CFAP46: variants seen among roughly 807,000 people sequenced by gnomAD.
CFAP46 encodes the protein cilia and flagella associated protein 46.
In CFAP46, 245 loss-of-function variants were observed where a neutral mutation model predicts 325.7. The ratio of observed to expected loss-of-function variants is 0.75; its 90% CI spans 0.68 to 0.84. CFAP46 has a LOEUF of 0.84. Ranked by LOEUF, CFAP46 falls within the 40% of genes least tolerant of loss-of-function variation. The pLI is 0.00. For missense variants in CFAP46, 3,346 were observed against 3,543.0 expected, an observed-to-expected ratio of 0.94 and a Z score of 1.41; for synonymous variants, 1,523 against 1,495.9, an observed-to-expected ratio of 1.02 and a Z score of -0.42.
At chr10:132,912,613 CT>C (rs1363552060) in intron 19 of CFAP46, 41 bp downstream of exon 19, 5 of 515,806 alleles carry the variant, frequency 9.7e-6, no homozygotes, top group East Asian at 4.6e-5. Context: ...TCCTCTCTCT[CT>C]CTCTCTCTCT....
rs1162254040 is a variant in CFAP46 at position 132,824,338 on chromosome 10, C to CTGTGTGCTGTGTGAGCGCTGA, written c.7117+8999_7117+9019dup. 6.9e-3 allele frequency among the ~76,000 whole-genome samples: 738 copies of CTGTGTGCTGTGTGAGCGCTGA among 106,244 alleles called. 16 individuals are homozygous for CTGTGTGCTGTGTGAGCGCTGA. The highest frequency in any genetic ancestry group is 0.011 in the Middle Eastern group (1 of 92). 69.7% of individuals were successfully genotyped at this position (106,244 alleles called of 152,430 possible). On this transcript the variant is annotated intron_variant, in intron 50 of 57. Transcript: ENST00000368586. Reference sequence around the variant, plus strand: ...TGCACTGATGTGTGCTGTGTGTGTGCTGTGTGCTGTGTGAGCGCTGATGTG... The same window carrying CTGTGTGCTGTGTGAGCGCTGA: ...TGCACTGATGTGTGCTGTGTGTGTGCTGTGTGCTGTGTGAGCGCTGATGTGTGCTGTGTGAGCGCTGATGTG...
At chr10:132,835,887 C>G (rs1397624994) in intron 46 of CFAP46, among the ~76,000 whole-genome samples, 1 of 136,254 alleles carries the variant, frequency 7.3e-6, no homozygotes, top group Non-Finnish European at 1.6e-5. Context: ...CCCTGCTCCC[C>G]CTTCCCCATG....
chr10:132,881,554 T>G (rs891028156), intron 27 of CFAP46, among the ~76,000 whole-genome samples: 1 of 152,208 alleles, frequency 6.6e-6, no homozygotes, highest in Non-Finnish European at 1.5e-5. Flanking sequence ...TGTATGAGGC[T>G]GCCCTAACCT....
At position 132,937,603 on chromosome 10, in the gene CFAP46, C is replaced by T. The variant is rs754603805; in HGVS notation, c.609G>A (p.Pro203=). 94 of 1,613,610 alleles carry T rather than the reference C, an allele frequency of 5.8e-5. 1 individual carries two copies. In the Middle Eastern group the frequency reaches 6.6e-4, roughly 11 times the overall value. The part of the protein sequence containing the change: ...EAARFCSTAA[P]FIKSHVPQKY... ...TCTGTGGCACGTGAGACTTAATGAA[C>T]GGAGCTGCCGTGGAGCAGAACCTGG... is the stretch of plus-strand genomic sequence containing the variant. Residue 203 remains proline (P), a synonymous_variant, in exon 6 of 58, where the codon CCG becomes CCA. Coordinates refer to ENST00000368586, the MANE Select transcript of CFAP46 (RefSeq NM_001200049.3).
intron 54 of CFAP46, among the ~76,000 whole-genome samples, chr10:132,813,321 G>C (rs887407872): frequency 6.8e-6 from 1 of 146,004 alleles, no homozygotes; most frequent in African/African-American, 2.5e-5. Context: ...GCACACACCT[G>C]CCCCTGCAGT....
chr10:132,822,834 T>C (rs574303936), intron 50 of CFAP46, among the ~76,000 whole-genome samples: 1 of 141,058 alleles, frequency 7.1e-6, no homozygotes, highest in East Asian at 2.2e-4. Context: ...TGTGCTGATG[T>C]GTGCTGATGT....
chr10:132,917,665 G>T (rs1412057708), intron 16 of CFAP46, among the ~76,000 whole-genome samples: 1 of 152,196 alleles, frequency 6.6e-6, no homozygotes, highest in East Asian at 1.9e-4. Flanking sequence ...GCACACTTTG[G>T]TTTATATTTT....
chr10:132,822,885 CGCTGATGTGT>C (rs1483124001), intron 50 of CFAP46, among the ~76,000 whole-genome samples: 34 of 98,916 alleles, frequency 3.4e-4, no homozygotes, highest in East Asian at 3.1e-3. Context: ...GCTGTGTGTG[CGCTGATGTGT>C]GCTGATGTGT....
Position 132,869,927 on chromosome 10 carries a change from G to A in CFAP46, c.4512-555C>T, listed in dbSNP as rs1848873578. Among the ~76,000 whole-genome samples, 1 of 152,200 alleles carries A rather than the reference G, an allele frequency of 6.6e-6. No homozygotes were observed. The highest frequency in any genetic ancestry group is 1.5e-5 in the Non-Finnish European group (1 of 68,042). ...CACAGGCGCCTCCATTTATCAAACT[G>A]TGCTGTATTGCGCTGCTCAGATGTT... On this transcript the variant is annotated intron_variant, in intron 32 of 57. Coordinates refer to ENST00000368586, the MANE Select transcript of CFAP46 (RefSeq NM_001200049.3). The surrounding 1 kb of genome is among the most constrained non-coding windows in gnomAD (Gnocchi z 6.2).
chr10:132,822,733 TGTGCAGTGATGTGTGCTGTGTGA>T, intron 50 of CFAP46, among the ~76,000 whole-genome samples: 1 of 141,938 alleles, frequency 7.0e-6, no homozygotes, highest in African/African-American at 2.7e-5. Context: ...GTGTGCTGTG[TGTGCAGTGATGTGTGCTGTGTGA>T]GTGCTGATGT....
At chr10:132,851,376 G>C in intron 39 of CFAP46, 71 bp from the exon 40 acceptor site, 1 of 1,444,526 alleles carries the variant, frequency 6.9e-7, no homozygotes, top group African/African-American at 1.4e-5. Context: ...CCCACAACTT[G>C]GATGAGGCAT....
intron 10 of CFAP46, 114 bp from the exon 11 acceptor site, chr10:132,925,000 C>T (rs914581820): frequency 8.5e-6 from 7 of 826,804 alleles, no homozygotes; most frequent in South Asian, 6.7e-5. Context: ...CATCACCCTG[C>T]GTGGCGTCAT....
Position 132,814,697 on chromosome 10 carries a change from T to G in CFAP46, c.7238A>C (p.Asp2413Ala). The G allele has an allele frequency of 6.2e-7, 1 of 1,607,316 alleles. No homozygotes were observed. The highest frequency in any genetic ancestry group is 8.5e-7 in the Non-Finnish European group (1 of 1,176,696). ...IPPDCIIVDSDNFKFVVDPYE... is the reference protein window; with the variant it reads ...IPPDCIIVDSANFKFVVDPYE... The stretch of plus-strand genomic sequence containing the variant: ...CCATCAAAGGATACACTTGAAGTTG[T>G]CTGAGTCGACTATGATGCAGTCAGG... The change falls in exon 52 of 58, where the codon GAC (aspartate) becomes GCC (alanine). Residue 2413 changes from aspartate (D) to alanine (A), a missense_variant. By Grantham distance (126) the Asp-to-Ala change is moderately radical. Transcript: ENST00000368586.
At chr10:132,819,975 G>A (rs929964415) in intron 50 of CFAP46, among the ~76,000 whole-genome samples, 5 of 152,212 alleles carry the variant, frequency 3.3e-5, no homozygotes, top group African/African-American at 1.2e-4. Flanking sequence ...GAAAATGAAT[G>A]TAGAATGTAT....
In CFAP46 at chr10:132,828,954, T is replaced by C. The variant is rs537985058; in HGVS notation, c.7117+4404A>G. ...TACACGGCTACCGTCACGCCTGCGC[T>C]CCACTGTATCAATACTGCACCCATG... On this transcript the variant is annotated intron_variant, in intron 50 of 57. Coordinates refer to ENST00000368586, the MANE Select transcript of CFAP46 (RefSeq NM_001200049.3). The surrounding 1 kb of genome is among the most constrained non-coding windows in gnomAD (Gnocchi z 4.9). Among the ~76,000 whole-genome samples, 1 of 151,984 alleles carries C rather than the reference T, an allele frequency of 6.6e-6. No homozygotes were observed. The highest frequency in any genetic ancestry group is 1.9e-4 in the East Asian group (1 of 5,184).
chr10:132,824,686 T>C (rs1274715257), intron 50 of CFAP46, among the ~76,000 whole-genome samples: 1 of 102,414 alleles, frequency 9.8e-6, no homozygotes, highest in African/African-American at 4.2e-5. Flanking sequence ...TGCTGATGTG[T>C]GCTGTGTGTG....
intron 17 of CFAP46, 102 bp from the exon 18 acceptor site, chr10:132,913,360 A>G (rs11146591): frequency 0.16 from 64,315 of 396,152 alleles, 8,295 homozygotes; most frequent in African/African-American, 0.49. Context: ...CTGCAGGGCA[A>G]GAAGTGGGAG....
At position 132,922,548 on chromosome 10, in the gene CFAP46, G is replaced by C. The variant is rs4880287; in HGVS notation, c.1417C>G (p.Arg473Gly). The change falls in exon 12 of 58, where the codon CGT (arginine) becomes GGT (glycine). Residue 473 changes from arginine (R) to glycine (G), a missense_variant. Transcript: ENST00000368586. The part of the protein sequence containing the change: ...DRIQMASTRL[R>G]LCTTLYQAPE... The stretch of plus-strand genomic sequence containing the variant: ...GCCTGGTATAGCGTGGTGCACAGAC[G>C]CAGCCGGGTGGAGGCCATCTGGATC... 1.3e-6 allele frequency: 2 copies of C among 1,547,674 alleles called. No homozygotes were observed. The highest frequency in any genetic ancestry group is 3.9e-5 in the Admixed American group (2 of 50,992).
chr10:132,827,547 CA>C lies in CFAP46; in HGVS notation c.7117+5810del, dbSNP rs1446034320. Among the ~76,000 whole-genome samples, 1 of 151,978 alleles carries C rather than the reference CA, an allele frequency of 6.6e-6. No homozygotes were observed. Among genetic ancestry groups the C allele is most frequent in the Non-Finnish European group, 1.5e-5 (1 of 68,014 alleles). On this transcript the variant is annotated intron_variant, in intron 50 of 57. Coordinates refer to ENST00000368586, the MANE Select transcript of CFAP46 (RefSeq NM_001200049.3). The surrounding 1 kb of genome is among the most constrained non-coding windows in gnomAD (Gnocchi z 5.7). Reference sequence around the variant, plus strand: ...GAGACTCCACGAGGCCTTGGGGTCACAGGAAGGCTCGGAGTGCCAGAGTACA... The same window carrying C: ...GAGACTCCACGAGGCCTTGGGGTCACGGAAGGCTCGGAGTGCCAGAGTACA...
Sources: gnomAD v4.1 joint callset for allele counts (sites outside exome capture counted in the v4.1 genomes callset) on GRCh38, gnomAD v4.1.1 for gene constraint, Gnocchi (gnomAD v3.1) non-coding constraint, MANE v1.5 for transcripts, NCBI Gene and HGNC (gene_info 2026-07-23, HGNC 2026-07-21) for gene names.